The following C2CD2 variants were observed in gnomAD, a reference collection of about 807,000 sequenced individuals.
C2CD2 encodes C2 calcium dependent domain containing 2.
C2CD2 carries 43 observed loss-of-function variants against 74.3 expected under a neutral mutation model. The observed-to-expected ratio is 0.58, with a 90% confidence interval of 0.45 to 0.75. C2CD2 has a LOEUF of 0.75. Among genes scored for constraint, C2CD2 ranks in the 30% least tolerant of loss-of-function variants. The pLI is 0.00. For missense variants in C2CD2, 801 were observed against 916.3 expected (o/e 0.87, Z 1.63); for synonymous variants, 422 against 390.7 (o/e 1.08, Z -0.94).
chr21:41,933,752 C>T (rs947159552), intron 2 of C2CD2, among the ~76,000 whole-genome samples: 2 of 152,228 alleles, frequency 1.3e-5, no homozygotes, highest in Non-Finnish European at 2.9e-5. Context: ...GGCTCCTCCT[C>T]CCGCACTCAC....
intron 2 of C2CD2, among the ~76,000 whole-genome samples, chr21:41,941,552 T>C (rs1303924190): frequency 6.6e-6 from 1 of 152,214 alleles, no homozygotes; most frequent in Admixed American, 6.5e-5. Context: ...TCTAGATATA[T>C]CATAAATATA....
rs2064719464 is a variant in C2CD2, at chr21:41,889,266, T to C, written c.1949A>G (p.His650Arg). The C allele has an allele frequency of 6.2e-7, 1 of 1,614,064 alleles. No homozygotes were observed. The highest frequency in any genetic ancestry group is 8.5e-7 in the Non-Finnish European group (1 of 1,180,000). Reference sequence around the variant, plus strand: ...CTGCTCCAGGAACACAAGGTCATTGTGTGACTGACTCATGCCTGGGTCTTT... The same window carrying C: ...CTGCTCCAGGAACACAAGGTCATTGCGTGACTGACTCATGCCTGGGTCTTT... The part of the protein sequence containing the change: ...QQKDPGMSQS[H>R]NDLVFLEQPE... The change falls in exon 14 of 14, where the codon CAC becomes CGC. Residue 650 changes from histidine (H) to arginine (R), a missense_variant. Physicochemically the swap from His to Arg is conservative, Grantham distance 29. Coordinates refer to ENST00000380486, the MANE Select transcript of C2CD2 (RefSeq NM_015500.2).
intron 1 of C2CD2, among the ~76,000 whole-genome samples, chr21:41,948,382 G>C (rs189247776): frequency 0.011 from 1,694 of 152,386 alleles, 21 homozygotes; most frequent in Middle Eastern, 0.031. Context: ...GTGACTCCGG[G>C]GGGGTCGGGA....
chr21:41,953,913 G>A lies in C2CD2; in HGVS notation c.-265C>T, dbSNP rs1266323028. Reference sequence around the variant, plus strand: ...AGCGGACCCCGCGGCCCGCGCTCCCGACTCGGCGTCTGGGAAGTTCCTGGG... The same window carrying A: ...AGCGGACCCCGCGGCCCGCGCTCCCAACTCGGCGTCTGGGAAGTTCCTGGG... On this transcript the variant is annotated 5_prime_UTR_variant, in exon 1 of 14. Transcript: ENST00000380486. The A allele has an allele frequency of 1.1e-5, 2 of 182,346 alleles. No individual in the cohort carries two copies. Among genetic ancestry groups the A allele is most frequent in the Non-Finnish European group, 2.2e-5 (2 of 89,652 alleles). 11.3% of individuals were successfully genotyped at this position (182,346 alleles called of 1,614,324 possible).
chr21:41,926,986 G>C lies in C2CD2; in HGVS notation c.379-4901C>G, dbSNP rs181033354. ...AGATGTCTTTCCCCACTCTGCAAGC[G>C]AGTCTCACCTCTGTAAATATCCTTT... On this transcript the variant is annotated intron_variant, in intron 2 of 13. Coordinates refer to ENST00000380486, the MANE Select transcript of C2CD2 (RefSeq NM_015500.2). The surrounding 1 kb of genome is among the most constrained non-coding windows in gnomAD (Gnocchi z 8.0). 1.3e-5 allele frequency among the ~76,000 whole-genome samples: 2 copies of C among 152,148 alleles called. No homozygotes were observed. Among genetic ancestry groups the C allele is most frequent in the South Asian group, 4.1e-4 (2 of 4,824 alleles).
intron 2 of C2CD2, among the ~76,000 whole-genome samples, chr21:41,922,351 G>A (rs1205153953): frequency 6.6e-6 from 1 of 152,106 alleles, no homozygotes; most frequent in Non-Finnish European, 1.5e-5. Flanking sequence ...TTTTTGTAAA[G>A]ATGGGCTCTA....
intron 2 of C2CD2, among the ~76,000 whole-genome samples, chr21:41,925,629 AGAG>A (rs1457178316): frequency 2.6e-5 from 4 of 152,244 alleles, no homozygotes; most frequent in African/African-American, 9.6e-5. Flanking sequence ...GACAAAATGG[AGAG>A]GAGATTTTAA....
rs1203765774 is a variant in C2CD2, at chr21:41,942,225, A to T, written c.300T>A (p.Phe100Leu). Residue 100 changes from phenylalanine to leucine, a missense_variant, in exon 2 of 14, where the codon TTT becomes TTA. By Grantham distance (22) the Phe-to-Leu change is conservative. Coordinates refer to ENST00000380486, the MANE Select transcript of C2CD2 (RefSeq NM_015500.2). ...GTGCCTGCTGCCGCGGGTCCTCCTC[A>T]AAGGACAGGAAAGGTGGGCCCTGGA... is the stretch of plus-strand genomic sequence containing the variant. ...ERKGGPPFLS[F>L]EEDPRQQALE... 1 of 1,549,566 alleles carries T rather than the reference A, an allele frequency of 6.5e-7. No individual in the cohort carries two copies. Among genetic ancestry groups the T allele is most frequent in the East Asian group, 2.4e-5 (1 of 40,930 alleles).
intron 1 of C2CD2, among the ~76,000 whole-genome samples, chr21:41,948,873 T>TTTTTTTTTTTTTTTTTTTTTTTG (rs2065425270): frequency 8.9e-6 from 1 of 112,938 alleles, no homozygotes; most frequent in Non-Finnish European, 1.8e-5. Context: ...ACAGCATCTT[T>TTTTTTTTTTTTTTTTTTTTTTTG]TTTTTTTTTT....
Position 41,886,346 on chromosome 21 carries a change from A to C in C2CD2, c.*2778T>G, listed in dbSNP as rs912745397. 2.0e-5 allele frequency: 3 copies of C among 152,330 alleles called. No homozygotes were observed. The highest frequency in any genetic ancestry group is 2.9e-5 in the Non-Finnish European group (2 of 68,028). 9.4% of individuals were successfully genotyped at this position (152,330 alleles called of 1,614,324 possible). On this transcript the variant is annotated 3_prime_UTR_variant, in exon 14 of 14. Transcript: ENST00000380486. ...GGTGGATAATCTTAATTTATCTTTA[A>C]CCTTCACAACATTTACTTTGTCATA...
At chr21:41,915,197 C>G (rs1482838263) in intron 5 of C2CD2, among the ~76,000 whole-genome samples, 3 of 152,208 alleles carry the variant, frequency 2.0e-5, no homozygotes, top group Non-Finnish European at 4.4e-5. Flanking sequence ...CACCTCCACA[C>G]AGAGTCCAAC....
Position 41,909,431 on chromosome 21 carries a change from G to A in C2CD2, c.1018+28C>T, listed in dbSNP as rs757077832. ...GCAGCGGAGGACCTTTCCAGAGGGCGAGGCCTCTGTCCTCCTGCTCAACCC... is the reference window on the plus strand; with the variant it reads ...GCAGCGGAGGACCTTTCCAGAGGGCAAGGCCTCTGTCCTCCTGCTCAACCC... On this transcript the variant is annotated intron_variant, in intron 8 of 13. Transcript: ENST00000380486. 37 of 1,554,834 alleles carry A rather than the reference G, an allele frequency of 2.4e-5. 1 individual carries two copies. The South Asian group carries it at 2.9e-4, about 12-fold the overall frequency.
chr21:41,946,430 G>C (rs774547661), intron 1 of C2CD2, among the ~76,000 whole-genome samples: 1 of 152,184 alleles, frequency 6.6e-6, no homozygotes, highest in Non-Finnish European at 1.5e-5. Context: ...TGTACAGTGA[G>C]TGAGTTCTCA....
Position 41,899,945 on chromosome 21 carries a change from G to C in C2CD2, c.1561-583C>G, listed in dbSNP as rs2064873730. On this transcript the variant is annotated intron_variant, in intron 12 of 13. Transcript: ENST00000380486. This position sits in a 1 kb window ranked among gnomAD's most constrained non-coding sequence, Gnocchi z 4.4. ...CCTTCCTTGGAGGGGAGAAAGTTTG[G>C]GGAGGAGGGCATGGGGGCTCCCTGA... 6.6e-6 allele frequency among the ~76,000 whole-genome samples: 1 copy of C among 152,028 alleles called. No homozygotes were observed. The highest frequency in any genetic ancestry group is 2.4e-5 in the African/African-American group (1 of 41,376).
At chr21:41,893,267 T>C (rs2064778741) in intron 13 of C2CD2, among the ~76,000 whole-genome samples, 1 of 152,228 alleles carries the variant, frequency 6.6e-6, no homozygotes. Context: ...CCTGGGAGGC[T>C]GAGGTAAGTG....
At chr21:41,946,912 CAAAG>C (rs939406276) in intron 1 of C2CD2, among the ~76,000 whole-genome samples, 8 of 151,996 alleles carry the variant, frequency 5.3e-5, no homozygotes, top group African/African-American at 1.9e-4. Flanking sequence ...TCATAAAAAA[CAAAG>C]AAAGACTGAG....
At position 41,953,881 on chromosome 21, in the gene C2CD2, G is replaced by A. The variant is rs1366484948; in HGVS notation, c.-233C>T. 8.7e-6 allele frequency: 2 copies of A among 230,936 alleles called. No individual in the cohort carries two copies. Among genetic ancestry groups the A allele is most frequent in the African/African-American group, 2.3e-5 (1 of 43,174 alleles). 14.3% of individuals were successfully genotyped at this position (230,936 alleles called of 1,614,324 possible). A position where few individuals can be genotyped will look rare whatever the true frequency, so the allele number is the denominator to read the frequency against. On this transcript the variant is annotated 5_prime_UTR_variant, in exon 1 of 14. Transcript: ENST00000380486. Reference sequence around the variant, plus strand: ...CAAGCCCCGCACACCTGCGGAACAGGGGCGCGAGCGGACCCCGCGGCCCGC... The same window carrying A: ...CAAGCCCCGCACACCTGCGGAACAGAGGCGCGAGCGGACCCCGCGGCCCGC...
intron 3 of C2CD2, among the ~76,000 whole-genome samples, chr21:41,920,837 T>C (rs894148646): frequency 2.0e-5 from 3 of 152,248 alleles, no homozygotes; most frequent in African/African-American, 7.2e-5. Flanking sequence ...ATTTCTTCAT[T>C]TGTGTTTGTG....
Position 41,929,818 on chromosome 21 carries a change from A to C in C2CD2, c.379-7733T>G, listed in dbSNP as rs1399505686. Among the ~76,000 whole-genome samples, 1 of 152,250 alleles carries C rather than the reference A, an allele frequency of 6.6e-6. No homozygotes were observed. Among genetic ancestry groups the C allele is most frequent in the Admixed American group, 6.5e-5 (1 of 15,288 alleles). On this transcript the variant is annotated intron_variant, in intron 2 of 13. Transcript: ENST00000380486. This position sits in a 1 kb window ranked among gnomAD's most constrained non-coding sequence, Gnocchi z 4.6. ...TGAAAGCCACAGTTACCATACTGTA[A>C]CCAGAATTCAGGCAGTGGCTGCTAG... is the stretch of plus-strand genomic sequence containing the variant.
Sources: allele counts gnomAD v4.1 joint callset (sites outside exome capture counted in the v4.1 genomes callset), GRCh38; gene constraint gnomAD v4.1.1; non-coding constraint Gnocchi (gnomAD v3.1); transcripts MANE v1.5; gene names NCBI Gene and HGNC (gene_info 2026-07-23, HGNC 2026-07-21).